Variants in NDUFAF2 observed in about 807,000 individuals in gnomAD.
NDUFAF2 encodes the protein NADH dehydrogenase [ubiquinone] 1 alpha subcomplex assembly factor 2.
NDUFAF2 carries 13 observed loss-of-function variants against 22.8 expected under a neutral mutation model. That is an observed-to-expected ratio of 0.57 (90% CI 0.37 to 0.91). The LOEUF is 0.91. NDUFAF2 is among the 40% of genes least tolerant of loss of function. The pLI is 0.01. For synonymous variants in NDUFAF2, 53 were observed against 64.2 expected, an observed-to-expected ratio of 0.83 and a Z score of 0.84; for missense variants, 162 against 195.2, an observed-to-expected ratio of 0.83 and a Z score of 1.01.
intron 1 of NDUFAF2, among the ~76,000 whole-genome samples, chr5:61,066,052 G>A (rs1752223810): frequency 6.6e-6 from 1 of 151,918 alleles, no homozygotes; most frequent in South Asian, 2.1e-4. Flanking sequence ...ACAAAAATTA[G>A]CATTTTAATA....
At chr5:61,138,679 T>C (rs1158045484) in intron 3 of NDUFAF2, among the ~76,000 whole-genome samples, 1 of 152,166 alleles carries the variant, frequency 6.6e-6, no homozygotes, top group Admixed American at 6.5e-5. Flanking sequence ...CCAGGCCCTA[T>C]TGAAACAAGG....
At chr5:61,036,166 T>A (rs975044668) in intron 1 of NDUFAF2, among the ~76,000 whole-genome samples, 2 of 152,226 alleles carry the variant, frequency 1.3e-5, no homozygotes, top group Non-Finnish European at 2.9e-5. Flanking sequence ...CTTGTTCCAC[T>A]GGCCAGACCC....
intron 3 of NDUFAF2, 100 bp from the exon 4 acceptor site, chr5:61,152,604 T>C (rs1159033594): frequency 1.2e-6 from 1 of 807,276 alleles, no homozygotes; most frequent in East Asian, 3.0e-5. Flanking sequence ...TATGTATATA[T>C]TTATATGTAT....
intron 3 of NDUFAF2, among the ~76,000 whole-genome samples, chr5:61,125,481 A>G (rs897287376): frequency 6.6e-6 from 1 of 152,076 alleles, no homozygotes; most frequent in Non-Finnish European, 1.5e-5. Context: ...TGCATCATTC[A>G]CATTTCATGC....
chr5:61,076,366 G>A (rs937854221), intron 2 of NDUFAF2, among the ~76,000 whole-genome samples: 6 of 152,262 alleles, frequency 3.9e-5, no homozygotes, highest in Admixed American at 1.3e-4. Context: ...GAGCCACCGC[G>A]CCCGGCCGTT....
At position 60,945,242 on chromosome 5, in the gene NDUFAF2, A is replaced by G. The variant is rs755529763; in HGVS notation, c.-14A>G. On this transcript the variant is annotated 5_prime_UTR_variant, in exon 1 of 4. Transcript: ENST00000296597. ...GGTCCCGCTGCTGGCAGCGCTGGAA[A>G]CTGGGTGGACGGCATGGGTTGGTCT... The G allele has an allele frequency of 6.2e-7, 1 of 1,611,958 alleles. No individual in the cohort carries two copies. Among genetic ancestry groups the G allele is most frequent in the Non-Finnish European group, 8.5e-7 (1 of 1,179,652 alleles).
chr5:61,063,570 A>G (rs1752192821), intron 1 of NDUFAF2, among the ~76,000 whole-genome samples: 1 of 152,114 alleles, frequency 6.6e-6, no homozygotes, highest in Non-Finnish European at 1.5e-5. Flanking sequence ...AAGGAATACA[A>G]AAAGATGTAG....
intron 1 of NDUFAF2, among the ~76,000 whole-genome samples, chr5:61,053,731 C>T (rs572295565): frequency 6.6e-6 from 1 of 151,914 alleles, no homozygotes; most frequent in South Asian, 2.1e-4. Flanking sequence ...GGAGTAGTTT[C>T]CTAAAGAAAC....
intron 3 of NDUFAF2, among the ~76,000 whole-genome samples, chr5:61,112,594 A>G (rs577033837): frequency 3.6e-4 from 55 of 152,050 alleles, no homozygotes; most frequent in African/African-American, 1.1e-3. Flanking sequence ...TTTGATTTCC[A>G]TTTGCATAAA....
At chr5:61,095,336 A>G (rs1273261289) in intron 2 of NDUFAF2, among the ~76,000 whole-genome samples, 2 of 152,200 alleles carry the variant, frequency 1.3e-5, no homozygotes, top group Non-Finnish European at 2.9e-5. Context: ...TTGGAACTGC[A>G]GAGTTATCCA....
intron 1 of NDUFAF2, among the ~76,000 whole-genome samples, chr5:61,011,872 C>G (rs1245774680): frequency 6.6e-6 from 1 of 151,990 alleles, no homozygotes; most frequent in Non-Finnish European, 1.5e-5. Flanking sequence ...AGTATGTTCT[C>G]TTTTTTAAAA....
intron 1 of NDUFAF2, among the ~76,000 whole-genome samples, chr5:61,053,240 C>G (rs1389384794): frequency 6.6e-6 from 1 of 152,220 alleles, no homozygotes; most frequent in Non-Finnish European, 1.5e-5. Flanking sequence ...GCATAAGAAA[C>G]AAATACACTT....
At chr5:60,982,799 T>C (rs1751004717) in intron 1 of NDUFAF2, among the ~76,000 whole-genome samples, 1 of 152,080 alleles carries the variant, frequency 6.6e-6, no homozygotes, top group African/African-American at 2.4e-5. Flanking sequence ...CAGTCTATCA[T>C]TGTTGGACAT....
intron 1 of NDUFAF2, among the ~76,000 whole-genome samples, chr5:60,968,944 A>T (rs535268662): frequency 6.6e-6 from 1 of 152,192 alleles, no homozygotes; most frequent in Admixed American, 6.5e-5. Flanking sequence ...GCTTCCACAA[A>T]TAAGTGAGAA....
intron 2 of NDUFAF2, among the ~76,000 whole-genome samples, chr5:61,090,208 C>T (rs996795116): frequency 7.9e-5 from 12 of 151,892 alleles, no homozygotes; most frequent in Admixed American, 7.2e-4. Flanking sequence ...AATTGTAGCC[C>T]TGGCACAGGA....
At chr5:60,976,176 A>T (rs1039860836) in intron 1 of NDUFAF2, among the ~76,000 whole-genome samples, 5 of 150,768 alleles carry the variant, frequency 3.3e-5, no homozygotes, top group Admixed American at 1.3e-4. Flanking sequence ...TTTCAAAAAT[A>T]ATAAAGAACT....
intron 2 of NDUFAF2, among the ~76,000 whole-genome samples, chr5:61,095,815 G>A (rs755949706): frequency 2.6e-5 from 4 of 152,132 alleles, no homozygotes; most frequent in Non-Finnish European, 2.9e-5. Context: ...GCTCCATGTC[G>A]CTCCAGGGTG....
chr5:61,033,582 T>C (rs1416690141), intron 1 of NDUFAF2, among the ~76,000 whole-genome samples: 1 of 152,140 alleles, frequency 6.6e-6, no homozygotes, highest in Non-Finnish European at 1.5e-5. Flanking sequence ...AAGACACTAG[T>C]TTATGATAAG....
chr5:61,110,216 T>G (rs1422819593), intron 3 of NDUFAF2, among the ~76,000 whole-genome samples: 2 of 152,140 alleles, frequency 1.3e-5, no homozygotes, highest in African/African-American at 4.8e-5. Context: ...TGTTGAGGAT[T>G]TTTGCATCAG....
Sources: allele counts gnomAD v4.1 joint callset (sites outside exome capture counted in the v4.1 genomes callset), GRCh38; gene constraint gnomAD v4.1.1; transcripts MANE v1.5; gene names NCBI Gene and HGNC (gene_info 2026-07-23, HGNC 2026-07-21).